ROBO2: variants seen among roughly 807,000 people sequenced by gnomAD.
ROBO2 encodes roundabout guidance receptor 2.
In ROBO2, 53 loss-of-function variants were observed where a neutral mutation model predicts 160.8. The ratio of observed to expected loss-of-function variants is 0.33; its 90% CI spans 0.26 to 0.41. ROBO2 has a LOEUF of 0.41. Ranked by LOEUF, ROBO2 falls within the 10% of genes least tolerant of loss-of-function variation. The probability of loss-of-function intolerance (pLI) is 1.00; values close to 1 mark genes in which losing one functional copy is unlikely to be tolerated. For synonymous variants in ROBO2, 664 were observed against 611.7 expected (o/e 1.09, Z -1.26); for missense variants, 1,577 against 1,722.4 (o/e 0.92, Z 1.49).
chr3:76,182,288 T>C (rs1297657286), intron 2 of ROBO2, among the ~76,000 whole-genome samples: 12 of 152,184 alleles, frequency 7.9e-5, no homozygotes, highest in Admixed American at 7.2e-4. Context: ...CATGGTAACC[T>C]TCCTGAACAC....
intron 2 of ROBO2, among the ~76,000 whole-genome samples, chr3:76,284,554 C>A (rs1370618511): frequency 6.6e-6 from 1 of 152,090 alleles, no homozygotes; most frequent in Non-Finnish European, 1.5e-5. Flanking sequence ...CTTCTTGACT[C>A]ATTGATTTGC....
chr3:77,613,349 T>G (rs892910350), intron 21 of ROBO2, among the ~76,000 whole-genome samples: 1 of 152,168 alleles, frequency 6.6e-6, no homozygotes, highest in African/African-American at 2.4e-5. Flanking sequence ...AAATTGAATA[T>G]GTGAACATTT....
intron 2 of ROBO2, among the ~76,000 whole-genome samples, chr3:76,298,992 G>T (rs1709225156): frequency 6.6e-6 from 1 of 152,120 alleles, no homozygotes. Context: ...GTCTATAAGT[G>T]TCTGCATTTC....
intron 2 of ROBO2, among the ~76,000 whole-genome samples, chr3:76,576,166 G>A (rs2085276707): frequency 6.6e-6 from 1 of 152,058 alleles, no homozygotes; most frequent in Non-Finnish European, 1.5e-5. Flanking sequence ...AAAAGTAGCT[G>A]TCATGAGAAG....
chr3:77,230,813 T>G (rs1451616489), intron 2 of ROBO2, among the ~76,000 whole-genome samples: 1 of 152,170 alleles, frequency 6.6e-6, no homozygotes, highest in African/African-American at 2.4e-5. Context: ...AGATCCGGGT[T>G]TTCCTAAAAT....
chr3:76,193,148 C>G (rs1702092871), intron 2 of ROBO2, among the ~76,000 whole-genome samples: 1 of 152,120 alleles, frequency 6.6e-6, no homozygotes, highest in Non-Finnish European at 1.5e-5. Context: ...CTCCACCCAT[C>G]AGTTAAAATA....
At chr3:77,489,110 T>C (rs993185769) in intron 4 of ROBO2, among the ~76,000 whole-genome samples, 15 of 152,206 alleles carry the variant, frequency 9.9e-5, no homozygotes, top group African/African-American at 2.2e-4. Context: ...CTTTAAAATA[T>C]GTGACCAAGC....
intron 2 of ROBO2, among the ~76,000 whole-genome samples, chr3:77,303,105 A>C (rs1315118124): frequency 6.6e-6 from 1 of 152,164 alleles, no homozygotes; most frequent in Admixed American, 6.6e-5. Context: ...CAAAGATAGA[A>C]CTTGCTAATT....
chr3:77,143,024 A>C (rs2076828736), intron 2 of ROBO2, among the ~76,000 whole-genome samples: 1 of 152,138 alleles, frequency 6.6e-6, no homozygotes, highest in African/African-American at 2.4e-5. Flanking sequence ...GATTGTACTA[A>C]TTGAAAGCCC....
chr3:77,281,604 T>C (rs2060244016), intron 2 of ROBO2, among the ~76,000 whole-genome samples: 1 of 152,164 alleles, frequency 6.6e-6, no homozygotes. Context: ...CTCCCATGGA[T>C]GCTCAAGTCT....
At chr3:76,339,540 C>G (rs2074091876) in intron 2 of ROBO2, among the ~76,000 whole-genome samples, 1 of 152,074 alleles carries the variant, frequency 6.6e-6, no homozygotes, top group Non-Finnish European at 1.5e-5. Flanking sequence ...TTCAAGAACT[C>G]TGAACATGGG....
chr3:76,328,898 ATTTATGTTAT>A (rs2073251686), intron 2 of ROBO2, among the ~76,000 whole-genome samples: 1 of 82,024 alleles, frequency 1.2e-5, no homozygotes, highest in South Asian at 4.5e-4. Context: ...ATATATATAT[ATTTATGTTAT>A]TATATATATA....
chr3:76,636,575 C>T (rs1472762186), intron 2 of ROBO2, among the ~76,000 whole-genome samples: 2 of 152,160 alleles, frequency 1.3e-5, no homozygotes, highest in Admixed American at 6.5e-5. Flanking sequence ...TCCAAATTCA[C>T]TTGATTCCAG....
intron 2 of ROBO2, among the ~76,000 whole-genome samples, chr3:76,070,312 G>T (rs916814149): frequency 6.6e-6 from 1 of 152,126 alleles, no homozygotes; most frequent in South Asian, 2.1e-4. Flanking sequence ...ATGCGCACCT[G>T]GGGTTGGGTC....
intron 2 of ROBO2, among the ~76,000 whole-genome samples, chr3:77,193,962 T>G (rs896214118): frequency 3.0e-4 from 45 of 152,152 alleles, no homozygotes; most frequent in African/African-American, 1.1e-3. Context: ...GGAACTATAT[T>G]TTCAGATATT....
At chr3:77,520,095 G>T (rs7625804) in intron 5 of ROBO2, among the ~76,000 whole-genome samples, 3 of 151,108 alleles carry the variant, frequency 2.0e-5, no homozygotes, top group Admixed American at 2.0e-4. Flanking sequence ...TTTAGCTTCC[G>T]TGTTGTCTTC....
intron 2 of ROBO2, among the ~76,000 whole-genome samples, chr3:75,980,065 T>C (rs1170564573): frequency 6.6e-6 from 1 of 151,666 alleles, no homozygotes; most frequent in East Asian, 1.9e-4. Context: ...GGTGTTTTCA[T>C]GTTGCTATTA....
At chr3:77,070,196 A>G (rs974822444) in intron 1 of ROBO2, among the ~76,000 whole-genome samples, 1 of 152,176 alleles carries the variant, frequency 6.6e-6, no homozygotes, top group African/African-American at 2.4e-5. Flanking sequence ...AACTCTGCCA[A>G]CATCTTGGAT....
At chr3:77,300,181 G>A (rs1175965996) in intron 2 of ROBO2, among the ~76,000 whole-genome samples, 1 of 132,994 alleles carries the variant, frequency 7.5e-6, no homozygotes, top group Non-Finnish European at 1.7e-5. Context: ...GTAGGGAAAT[G>A]AATTTTTTTT....
Sources: allele counts gnomAD v4.1 joint callset (sites outside exome capture counted in the v4.1 genomes callset), GRCh38; gene constraint gnomAD v4.1.1; transcripts MANE v1.5; gene names NCBI Gene and HGNC (gene_info 2026-07-23, HGNC 2026-07-21).